MYH15: variants seen among roughly 807,000 people sequenced by gnomAD.
MYH15 encodes the protein myosin heavy chain 15.
Under a neutral mutation model 240.5 loss-of-function variants are expected in MYH15, and 227 were observed. The ratio of observed to expected loss-of-function variants is 0.94; its 90% CI spans 0.85 to 1.05. The LOEUF is 1.05. Ranked by LOEUF, MYH15 falls within the 50% of genes least tolerant of loss-of-function variation. The pLI is 0.00. For synonymous variants in MYH15, 785 were observed against 796.7 expected (o/e 0.99, Z 0.25); for missense variants, 2,217 against 2,247.5 (o/e 0.99, Z 0.27).
chr3:108,408,267 C>T lies in MYH15; in HGVS notation c.4620+13G>A. 1 of 1,603,414 alleles carries T rather than the reference C, an allele frequency of 6.2e-7. No homozygotes were observed. Among genetic ancestry groups the T allele is most frequent in the Non-Finnish European group, 8.5e-7 (1 of 1,177,056 alleles). ...TCACAGTGAAAACTTTCTTTTCTCC[C>T]TGGTGATAATACCTCTGTTTCTTCC... On this transcript the variant is annotated intron_variant, in intron 32 of 40. Transcript: ENST00000693548.
At chr3:108,470,542 T>C (rs1369295928) in intron 13 of MYH15, among the ~76,000 whole-genome samples, 156 bp downstream of exon 13, 1 of 152,154 alleles carries the variant, frequency 6.6e-6, no homozygotes, top group African/African-American at 2.4e-5. Context: ...CAATAATTAT[T>C]ATTGATATTA....
chr3:108,434,656 T>C (rs1434884740), intron 25 of MYH15, among the ~76,000 whole-genome samples: 2 of 152,208 alleles, frequency 1.3e-5, no homozygotes, highest in Non-Finnish European at 2.9e-5. Context: ...CATTCCTTAG[T>C]TTGAATTTCA....
chr3:108,448,477 T>A (rs1160445499), intron 21 of MYH15, among the ~76,000 whole-genome samples: 1 of 151,956 alleles, frequency 6.6e-6, no homozygotes, highest in African/African-American at 2.4e-5. Flanking sequence ...AAAATATATA[T>A]AAGTCAAAAA....
intron 11 of MYH15, among the ~76,000 whole-genome samples, chr3:108,484,760 G>A (rs552444903): frequency 1.3e-5 from 2 of 152,146 alleles, no homozygotes; most frequent in African/African-American, 2.4e-5. Context: ...GATTACAAGC[G>A]TGAGTCACGG....
chr3:108,407,268 C>T (rs1262772202), intron 32 of MYH15, among the ~76,000 whole-genome samples: 2 of 152,194 alleles, frequency 1.3e-5, no homozygotes, highest in Non-Finnish European at 2.9e-5. Flanking sequence ...CCTTTGGGGT[C>T]TTGTTTTCCA....
rs559910124 is a variant in MYH15 at position 108,406,272 on chromosome 3, A to G, written c.4621-819T>C. 2.0e-5 allele frequency among the ~76,000 whole-genome samples: 3 copies of G among 152,330 alleles called. No individual in the cohort carries two copies. In the East Asian group the frequency reaches 5.8e-4, roughly 29 times the overall value. Reference sequence around the variant, plus strand: ...TGCAATTTTGTGGTCAGTTAGCTACAGGCAGTCCTAAGGGCAGAAGTAATT... The same window carrying G: ...TGCAATTTTGTGGTCAGTTAGCTACGGGCAGTCCTAAGGGCAGAAGTAATT... On this transcript the variant is annotated intron_variant, in intron 32 of 40. Transcript: ENST00000693548.
chr3:108,412,867 T>C (rs2082604897), intron 30 of MYH15, among the ~76,000 whole-genome samples: 1 of 152,228 alleles, frequency 6.6e-6, no homozygotes, highest in East Asian at 1.9e-4. Flanking sequence ...TAGATTGTTT[T>C]GTAGCTGCCT....
At chr3:108,484,536 T>C (rs1031198377) in intron 11 of MYH15, among the ~76,000 whole-genome samples, 14 of 152,190 alleles carry the variant, frequency 9.2e-5, no homozygotes, top group African/African-American at 3.4e-4. Flanking sequence ...TGAAGTGCAG[T>C]GGAGCGATCT....
At chr3:108,510,932 T>C (rs191726445), upstream of MYH15, among the ~76,000 whole-genome samples, 5 of 152,300 alleles carry the variant, frequency 3.3e-5, no homozygotes, top group Admixed American at 1.3e-4. Flanking sequence ...ATTATATTCA[T>C]CTTTAGGCCA....
intron 12 of MYH15, among the ~76,000 whole-genome samples, chr3:108,473,169 G>A (rs570198166): frequency 6.6e-5 from 10 of 152,148 alleles, no homozygotes; most frequent in South Asian, 4.2e-4. Context: ...CACAATGCCC[G>A]GCTAATTTTT....
At chr3:108,525,071 C>A (rs2083656110) in intron 1 of MYH15, among the ~76,000 whole-genome samples, 1 of 152,032 alleles carries the variant, frequency 6.6e-6, no homozygotes, top group African/African-American at 2.4e-5. Context: ...TTATGTTTTC[C>A]TGGCCACTAC....
chr3:108,455,987 C>A (rs1324850253), intron 19 of MYH15, 128 bp from the exon 20 acceptor site: 1 of 910,226 alleles, frequency 1.1e-6, no homozygotes, highest in Non-Finnish European at 1.7e-6. Flanking sequence ...TCAATTTTCA[C>A]AAGATTCTTA....
intron 25 of MYH15, among the ~76,000 whole-genome samples, chr3:108,435,019 G>A (rs114533176): frequency 0.01 from 1,561 of 152,212 alleles, 18 homozygotes; most frequent in Non-Finnish European, 0.013. Flanking sequence ...CAAATGGACC[G>A]CCTGTGTATG....
At chr3:108,426,592 G>A (rs1312162204) in intron 27 of MYH15, among the ~76,000 whole-genome samples, 1 of 152,228 alleles carries the variant, frequency 6.6e-6, no homozygotes, top group Non-Finnish European at 1.5e-5. Flanking sequence ...TGGAAGCATA[G>A]CTCTTCCACC....
chr3:108,503,144 T>C (rs1214078318), intron 2 of MYH15, among the ~76,000 whole-genome samples: 1 of 142,412 alleles, frequency 7.0e-6, no homozygotes, highest in Non-Finnish European at 1.6e-5. Flanking sequence ...CTTCATTACA[T>C]CAAAGAAGGA....
chr3:108,470,235 G>C (rs961917342), intron 13 of MYH15, 23 bp from the exon 14 acceptor site: 1 of 1,510,570 alleles, frequency 6.6e-7, no homozygotes, highest in African/African-American at 1.4e-5. Flanking sequence ...GAATAGGTAA[G>C]AAGAAGAGAT....
intron 25 of MYH15, among the ~76,000 whole-genome samples, chr3:108,436,468 G>A (rs2082837566): frequency 6.6e-6 from 1 of 152,176 alleles, no homozygotes; most frequent in South Asian, 2.1e-4. Context: ...AAGAAAGCCA[G>A]ATGCTCACAG....
chr3:108,386,540 C>T, intron 38 of MYH15, among the ~76,000 whole-genome samples: 1 of 152,070 alleles, frequency 6.6e-6, no homozygotes, highest in East Asian at 1.9e-4. Flanking sequence ...CATTTCTGCC[C>T]AACATGGGAG....
At chr3:108,399,840 C>T (rs2082490689) in intron 33 of MYH15, among the ~76,000 whole-genome samples, 1 of 152,070 alleles carries the variant, frequency 6.6e-6, no homozygotes, top group African/African-American at 2.4e-5. Context: ...CTGAGACAAC[C>T]AATTGTGTGA....
Sources: gnomAD v4.1 joint callset for allele counts (sites outside exome capture counted in the v4.1 genomes callset) on GRCh38, gnomAD v4.1.1 for gene constraint, MANE v1.5 for transcripts, NCBI Gene and HGNC (gene_info 2026-07-23, HGNC 2026-07-21) for gene names.